The following GLRA1 variants were observed in gnomAD, a reference collection of about 807,000 sequenced individuals.
The protein encoded by GLRA1 is glycine receptor alpha 1.
In GLRA1, 37 loss-of-function variants were observed where a neutral mutation model predicts 48.3. That is an observed-to-expected ratio of 0.77 (90% CI 0.59 to 1.01). GLRA1 has a LOEUF of 1.01. Among genes scored for constraint, GLRA1 ranks in the 50% least tolerant of loss-of-function variants. GLRA1 has a pLI of 0.00. For missense variants in GLRA1, 427 were observed against 571.0 expected, an observed-to-expected ratio of 0.75 and a Z score of 2.57; for synonymous variants, 196 against 210.7, an observed-to-expected ratio of 0.93 and a Z score of 0.60.
chr5:151,921,821 A>G (rs1031548843), intron 1 of GLRA1, among the ~76,000 whole-genome samples: 1 of 152,194 alleles, frequency 6.6e-6, no homozygotes, highest in Admixed American at 6.5e-5. Context: ...GAATTTTAGA[A>G]CCATAGGTTT....
intron 4 of GLRA1, among the ~76,000 whole-genome samples, chr5:151,856,599 G>A (rs1473914958): frequency 6.6e-6 from 1 of 152,150 alleles, no homozygotes; most frequent in Non-Finnish European, 1.5e-5. Flanking sequence ...GCTCACTGCA[G>A]TCTTGACTTT....
rs187220234 is a variant in GLRA1 at position 151,875,197 on chromosome 5, G to A, written c.252+11524C>T. Among the ~76,000 whole-genome samples the A allele has an allele frequency of 2.0e-5, 3 of 152,110 alleles. No individual in the cohort carries two copies. In the East Asian group the frequency reaches 5.8e-4, roughly 29 times the overall value. Reference sequence around the variant, plus strand: ...AAGGGCTTAAAAAAAAAAAGTTGGGGTCTTGCTTTGTTGCCCAGGTTGGAG... The same window carrying A: ...AAGGGCTTAAAAAAAAAAAGTTGGGATCTTGCTTTGTTGCCCAGGTTGGAG... On this transcript the variant is annotated intron_variant, in intron 3 of 8. Transcript: ENST00000274576.
rs145250706 is a variant in GLRA1 at position 151,887,684 on chromosome 5, G to A, written c.185-896C>T. Among the ~76,000 whole-genome samples, 595 of 152,246 alleles carry A rather than the reference G, an allele frequency of 3.9e-3. 5 individuals carry two copies. The highest frequency in any genetic ancestry group is 0.026 in the South Asian group (124 of 4,826). ...TGCTCATCTTAATGGCTATTCTGTA[G>A]GAAACAGGTTTAGAGGAAGGAAGGG... On this transcript the variant is annotated intron_variant, in intron 2 of 8. Coordinates refer to ENST00000274576, the MANE Select transcript of GLRA1 (RefSeq NM_000171.4).
At position 151,924,803 on chromosome 5, in the gene GLRA1, T is replaced by G. The variant is rs531731247; in HGVS notation, c.-254A>C. ...ACCTGCTTTTCAGGAGCGCGAAGAG[T>G]ATTGCTGTTTGTTAAACTCCAGCGT... On this transcript the variant is annotated 5_prime_UTR_variant, in exon 1 of 9. Coordinates refer to ENST00000274576, the MANE Select transcript of GLRA1 (RefSeq NM_000171.4). 13 of 581,720 alleles carry G rather than the reference T, an allele frequency of 2.2e-5. No homozygotes were observed. Among genetic ancestry groups the G allele is most frequent in the Non-Finnish European group, 4.0e-5 (13 of 325,896 alleles). 36.0% of individuals were successfully genotyped at this position (581,720 alleles called of 1,614,324 possible).
chr5:151,909,265 C>T (rs1754551454), intron 1 of GLRA1, among the ~76,000 whole-genome samples: 1 of 152,144 alleles, frequency 6.6e-6, no homozygotes, highest in Non-Finnish European at 1.5e-5. Flanking sequence ...CAGCAAATTA[C>T]ACAAAGGGTG....
At chr5:151,861,057 C>T (rs1294358801) in intron 3 of GLRA1, among the ~76,000 whole-genome samples, 3 of 152,218 alleles carry the variant, frequency 2.0e-5, no homozygotes, top group Non-Finnish European at 2.9e-5. Flanking sequence ...GACATGCACT[C>T]ATCCTTTTTT....
chr5:151,873,761 T>C (rs1384629740), intron 3 of GLRA1, among the ~76,000 whole-genome samples: 1 of 152,102 alleles, frequency 6.6e-6, no homozygotes, highest in Non-Finnish European at 1.5e-5. Flanking sequence ...AGAATAAGTA[T>C]GGCCCCACTT....
intron 4 of GLRA1, among the ~76,000 whole-genome samples, chr5:151,858,741 A>C (rs1053211801): frequency 1.3e-5 from 2 of 150,318 alleles, no homozygotes; most frequent in African/African-American, 2.5e-5. Flanking sequence ...CCTCTCCCAC[A>C]GGCCTGGACA....
In GLRA1 at chr5:151,907,032, C is replaced by A. The variant is rs114466428; in HGVS notation, c.57-14594G>T. The stretch of plus-strand genomic sequence containing the variant: ...TGGAAGTATTCAAGGAGAGGCTGAA[C>A]TTCTCTGCTCAGTAGCATGCTGTAA... On this transcript the variant is annotated intron_variant, in intron 1 of 8. Coordinates refer to ENST00000274576, the MANE Select transcript of GLRA1 (RefSeq NM_000171.4). Among the ~76,000 whole-genome samples, 1,221 of 152,300 alleles carry A rather than the reference C, an allele frequency of 8.0e-3. 20 individuals are homozygous for A. The highest frequency in any genetic ancestry group is 0.028 in the African/African-American group (1,149 of 41,554).
chr5:151,828,277 T>C (rs921401075), intron 8 of GLRA1, among the ~76,000 whole-genome samples: 2 of 152,228 alleles, frequency 1.3e-5, no homozygotes, highest in Non-Finnish European at 2.9e-5. Flanking sequence ...TCTGGGGAAC[T>C]AGTTATGGAC....
At position 151,924,834 on chromosome 5, in the gene GLRA1, T is replaced by C. The variant is rs1754986914; in HGVS notation, c.-285A>G. The C allele has an allele frequency of 1.9e-6, 1 of 530,964 alleles. No individual in the cohort carries two copies. Among genetic ancestry groups the C allele is most frequent in the African/African-American group, 1.9e-5 (1 of 52,276 alleles). 32.9% of individuals were successfully genotyped at this position (530,964 alleles called of 1,614,324 possible). ...TGTTTGTTAAACTCCAGCGTGTCTG[T>C]TGGCTCCCTGCGGCGCTGGGGAGGC... is the stretch of plus-strand genomic sequence containing the variant. On this transcript the variant is annotated 5_prime_UTR_variant, in exon 1 of 9. Coordinates refer to ENST00000274576, the MANE Select transcript of GLRA1 (RefSeq NM_000171.4).
intron 5 of GLRA1, 44 bp downstream of exon 5, chr5:151,856,257 A>G: frequency 7.3e-7 from 1 of 1,366,066 alleles, no homozygotes; most frequent in East Asian, 2.3e-5. Context: ...CCATGGGTAA[A>G]AAGGAGCCTG....
chr5:151,852,503 G>A (rs189018171), intron 6 of GLRA1, among the ~76,000 whole-genome samples: 3 of 152,344 alleles, frequency 2.0e-5, no homozygotes, highest in Admixed American at 6.5e-5. Flanking sequence ...CTCCCTGTCT[G>A]TGTATCCCTG....
At chr5:151,906,246 G>A (rs1754470940) in intron 1 of GLRA1, among the ~76,000 whole-genome samples, 1 of 152,176 alleles carries the variant, frequency 6.6e-6, no homozygotes, top group African/African-American at 2.4e-5. Flanking sequence ...TACTGAGTAT[G>A]TTAGCAATTA....
At chr5:151,840,274 T>C (rs1291114397) in intron 7 of GLRA1, among the ~76,000 whole-genome samples, 2 of 152,056 alleles carry the variant, frequency 1.3e-5, no homozygotes, top group Non-Finnish European at 2.9e-5. Flanking sequence ...TTTAAAAGTA[T>C]TTTTTGTAAA....
At chr5:151,834,888 C>T (rs572535394) in intron 7 of GLRA1, among the ~76,000 whole-genome samples, 5 of 151,778 alleles carry the variant, frequency 3.3e-5, no homozygotes, top group South Asian at 2.1e-4. Flanking sequence ...ATTAGCCGGG[C>T]GTGGTGGCAG....
rs11439258 is a variant in GLRA1 at position 151,855,001 on chromosome 5, T to TG, written c.697+38dup. On this transcript the variant is annotated intron_variant, in intron 6 of 8. Coordinates refer to ENST00000274576, the MANE Select transcript of GLRA1 (RefSeq NM_000171.4). ...GTCTGAAATGACCTCTGGTCCTGGT[T>TG]GGGGGGTGGGATCTGAGGAGGGTGG... The TG allele has an allele frequency of 9.3e-3, 14,867 of 1,606,008 alleles. 1,120 individuals are homozygous for TG. In the African/African-American group the frequency reaches 0.17, roughly 18 times the overall value.
At chr5:151,903,072 T>A (rs1005996653) in intron 1 of GLRA1, among the ~76,000 whole-genome samples, 1 of 151,860 alleles carries the variant, frequency 6.6e-6, no homozygotes, top group African/African-American at 2.4e-5. Context: ...AATCTCAGAG[T>A]GGAAAAAAAA....
intron 7 of GLRA1, chr5:151,850,398 C>A: frequency 8.0e-7 from 1 of 1,251,460 alleles, no homozygotes; most frequent in African/African-American, 1.5e-5. Context: ...TGATCCCAAG[C>A]CCATTCCTGG....
Sources: gnomAD v4.1 joint callset for allele counts (sites outside exome capture counted in the v4.1 genomes callset) on GRCh38, gnomAD v4.1.1 for gene constraint, MANE v1.5 for transcripts, NCBI Gene and HGNC (gene_info 2026-07-23, HGNC 2026-07-21) for gene names.